Variants in SPECC1 observed in about 807,000 individuals in gnomAD.
SPECC1 encodes cytospin-B.
A neutral mutation model predicts 104.1 loss-of-function variants in SPECC1; 62 were observed. The ratio of observed to expected loss-of-function variants is 0.60; its 90% CI spans 0.49 to 0.74. The LOEUF is 0.74. Ranked by LOEUF, SPECC1 falls within the 30% of genes least tolerant of loss-of-function variation. The pLI is 0.00. For synonymous variants in SPECC1, 513 were observed against 501.6 expected, an observed-to-expected ratio of 1.02 and a Z score of -0.30; for missense variants, 1,306 against 1,310.5, an observed-to-expected ratio of 1.00 and a Z score of 0.05.
At chr17:20,087,168 C>T (rs1199535781) in intron 1 of SPECC1, 1 of 152,182 alleles carries the variant, frequency 6.6e-6, no homozygotes, top group Non-Finnish European at 1.5e-5. Context: ...GTGAAGATGC[C>T]TGGTTAAATC....
At chr17:20,206,515 CTT>C (rs761142622) in intron 4 of SPECC1, among the ~76,000 whole-genome samples, 161 of 152,170 alleles carry the variant, frequency 1.1e-3, no homozygotes, top group Non-Finnish European at 1.8e-3. Context: ...AATATTAAAA[CTT>C]TTCTCAGCAT....
At chr17:20,221,704 C>T (rs2037886110) in intron 4 of SPECC1, among the ~76,000 whole-genome samples, 1 of 151,684 alleles carries the variant, frequency 6.6e-6, no homozygotes, top group South Asian at 2.1e-4. Flanking sequence ...TTTGCTCTTG[C>T]TTTTCTGGTT....
intron 3 of SPECC1, among the ~76,000 whole-genome samples, chr17:20,191,375 C>T (rs997783712): frequency 6.6e-6 from 1 of 152,106 alleles, no homozygotes; most frequent in Non-Finnish European, 1.5e-5. Context: ...CACATCCTCA[C>T]CAGTATTTGG....
chr17:20,250,748 A>C (rs2039593938), intron 9 of SPECC1, among the ~76,000 whole-genome samples: 1 of 152,230 alleles, frequency 6.6e-6, no homozygotes, highest in Non-Finnish European at 1.5e-5. Context: ...CAAGAACATT[A>C]ATAGACAAGA....
At chr17:20,169,405 A>G (rs917349567) in intron 3 of SPECC1, among the ~76,000 whole-genome samples, 16 of 152,226 alleles carry the variant, frequency 1.1e-4, no homozygotes. Context: ...TGAATTTTCC[A>G]AAATGCCTTT....
intron 13 of SPECC1, among the ~76,000 whole-genome samples, chr17:20,297,537 A>G (rs935509218): frequency 1.3e-5 from 2 of 152,224 alleles, no homozygotes; most frequent in Non-Finnish European, 2.9e-5. Flanking sequence ...TTTTACTACA[A>G]TCACACAACA....
At position 20,213,092 on chromosome 17, in the gene SPECC1, CT is replaced by C. The variant is rs909623277; in HGVS notation, c.1863+7188del. 5.3e-5 allele frequency among the ~76,000 whole-genome samples: 8 copies of C among 151,626 alleles called. No homozygotes were observed. The South Asian group carries it at 8.3e-4, about 16-fold the overall frequency. On this transcript the variant is annotated intron_variant, in intron 4 of 14. Transcript: ENST00000395527. ...TGGGTCTGACCTTAGAGCTCTTATT[CT>C]TTTTTTTCTTTTCTTTTTTTTTGAG...
At chr17:20,264,413 C>A (rs900991319) in intron 12 of SPECC1, among the ~76,000 whole-genome samples, 1 of 150,292 alleles carries the variant, frequency 6.7e-6, no homozygotes, top group African/African-American at 2.5e-5. Flanking sequence ...CTAGTAGTCC[C>A]CAGTATCTAT....
chr17:20,129,257 T>C (rs1397362120), intron 3 of SPECC1, among the ~76,000 whole-genome samples: 1 of 151,438 alleles, frequency 6.6e-6, no homozygotes, highest in African/African-American at 2.4e-5. Flanking sequence ...CCATCTCGGC[T>C]CACTGCAAGC....
Position 20,208,830 on chromosome 17 carries a change from C to T in SPECC1, c.1863+2918C>T, listed in dbSNP as rs554523557. ...GGTGGTTTATTTTTAGAGACAGGTT[C>T]TCGTTTTGTCACTTAGGCTGGAGTG... is the stretch of plus-strand genomic sequence containing the variant. On this transcript the variant is annotated intron_variant, in intron 4 of 14. Coordinates refer to ENST00000395527, the MANE Select transcript of SPECC1 (RefSeq NM_001243439.2). Among the ~76,000 whole-genome samples, 6 of 152,244 alleles carry T rather than the reference C, an allele frequency of 3.9e-5. 1 individual carries two copies. The East Asian group carries it at 7.7e-4, about 20-fold the overall frequency.
intron 1 of SPECC1, among the ~76,000 whole-genome samples, chr17:20,025,992 A>G (rs1327893485): frequency 6.6e-6 from 1 of 151,926 alleles, no homozygotes; most frequent in East Asian, 1.9e-4. Context: ...TCGTGTCTTT[A>G]TTGGCCAATT....
chr17:20,244,972 T>G (rs551412045), intron 7 of SPECC1, among the ~76,000 whole-genome samples: 1 of 152,334 alleles, frequency 6.6e-6, no homozygotes, highest in Non-Finnish European at 1.5e-5. Flanking sequence ...TATCATAGAA[T>G]GCTTTCTATG....
At position 20,173,660 on chromosome 17, in the gene SPECC1, C is replaced by T. The variant is rs77651658; in HGVS notation, c.284-30673C>T. ...GTAATTGTCAGGATTAGACCTCAACCGTGGTGAAATGTTGGGCATAAAGGT... is the reference window on the plus strand; with the variant it reads ...GTAATTGTCAGGATTAGACCTCAACTGTGGTGAAATGTTGGGCATAAAGGT... On this transcript the variant is annotated intron_variant, in intron 3 of 14. Coordinates refer to ENST00000395527, the MANE Select transcript of SPECC1 (RefSeq NM_001243439.2). 4.3e-3 allele frequency among the ~76,000 whole-genome samples: 650 copies of T among 152,250 alleles called. 6 individuals are homozygous for T. Among genetic ancestry groups the T allele is most frequent in the Non-Finnish European group, 7.0e-3 (478 of 68,028 alleles).
At chr17:20,291,542 C>A (rs1198180508) in intron 12 of SPECC1, among the ~76,000 whole-genome samples, 2 of 152,170 alleles carry the variant, frequency 1.3e-5, no homozygotes, top group African/African-American at 4.8e-5. Context: ...ACTGCCCTTC[C>A]CAGCCCACCA....
chr17:20,079,607 T>G (rs2046889430), intron 1 of SPECC1, among the ~76,000 whole-genome samples: 1 of 152,142 alleles, frequency 6.6e-6, no homozygotes, highest in African/African-American at 2.4e-5. Context: ...TTTAAAAGAT[T>G]GTCATCTGAG....
At chr17:20,193,512 G>A (rs1352249687) in intron 3 of SPECC1, among the ~76,000 whole-genome samples, 1 of 152,206 alleles carries the variant, frequency 6.6e-6, no homozygotes, top group African/African-American at 2.4e-5. Flanking sequence ...GAATAGAGGT[G>A]ATGATATTCC....
intron 1 of SPECC1, among the ~76,000 whole-genome samples, chr17:20,064,702 G>T (rs2046303884): frequency 6.6e-6 from 1 of 152,266 alleles, no homozygotes; most frequent in South Asian, 2.1e-4. Flanking sequence ...ATTGTAACTT[G>T]TAAGCCCACA....
chr17:20,139,044 A>G (rs2030399955), intron 3 of SPECC1, among the ~76,000 whole-genome samples: 1 of 152,212 alleles, frequency 6.6e-6, no homozygotes, highest in African/African-American at 2.4e-5. Flanking sequence ...AAGGAACTCC[A>G]TGTGCTTGCT....
At chr17:20,120,339 T>C (rs991000785) in intron 3 of SPECC1, among the ~76,000 whole-genome samples, 11 of 152,012 alleles carry the variant, frequency 7.2e-5, no homozygotes, top group African/African-American at 2.7e-4. Flanking sequence ...TGAGCCGAGA[T>C]TGTGCCACTG....
Sources: allele counts gnomAD v4.1 joint callset (sites outside exome capture counted in the v4.1 genomes callset), GRCh38; gene constraint gnomAD v4.1.1; transcripts MANE v1.5; gene names NCBI Gene and HGNC (gene_info 2026-07-23, HGNC 2026-07-21).